KIRREL3: variants seen among roughly 807,000 people sequenced by gnomAD.
The protein encoded by KIRREL3 is kin of IRRE-like protein 3.
A neutral mutation model predicts 89.7 loss-of-function variants in KIRREL3; 36 were observed. The observed-to-expected ratio is 0.40, with a 90% confidence interval of 0.31 to 0.53. The LOEUF (loss-of-function observed/expected upper bound fraction) is 0.53. KIRREL3 is among the 20% of genes least tolerant of loss of function. The pLI is 0.49. For synonymous variants in KIRREL3, 445 were observed against 441.4 expected (o/e 1.01, Z -0.10); for missense variants, 864 against 1,056.6 (o/e 0.82, Z 2.53).
intron 1 of KIRREL3, among the ~76,000 whole-genome samples, chr11:126,583,832 C>T (rs1213936276): frequency 2.0e-5 from 3 of 152,228 alleles, no homozygotes; most frequent in Non-Finnish European, 4.4e-5. Flanking sequence ...TAGAAAGTGA[C>T]AGCTGACGGC....
intron 5 of KIRREL3, among the ~76,000 whole-genome samples, chr11:126,469,287 G>A (rs1956816712): frequency 6.6e-6 from 1 of 152,246 alleles, no homozygotes. Flanking sequence ...CTGCCCTGAG[G>A]GGTCTTTTCT....
intron 1 of KIRREL3, among the ~76,000 whole-genome samples, chr11:126,735,532 C>A (rs1052541325): frequency 1.1e-4 from 17 of 152,254 alleles, no homozygotes; most frequent in Admixed American, 1.0e-3. Context: ...ATGGGGCAGC[C>A]CAGACCAGGG....
chr11:126,683,725 C>G lies in KIRREL3; in HGVS notation c.56-120813G>C, dbSNP rs1392998248. On this transcript the variant is annotated intron_variant, in intron 1 of 16. Coordinates refer to ENST00000525144, the MANE Select transcript of KIRREL3 (RefSeq NM_032531.4). This position sits in a 1 kb window ranked among gnomAD's most constrained non-coding sequence, Gnocchi z 5.2. ...GAAAATCAGTGTGCTGATATCACCCCTTTTGTCTATGAGGAGTGAATGTCT... is the reference window on the plus strand; with the variant it reads ...GAAAATCAGTGTGCTGATATCACCCGTTTTGTCTATGAGGAGTGAATGTCT... Among the ~76,000 whole-genome samples the G allele has an allele frequency of 6.6e-6, 1 of 152,220 alleles. No homozygotes were observed. Among genetic ancestry groups the G allele is most frequent in the African/African-American group, 2.4e-5 (1 of 41,458 alleles).
chr11:126,865,630 T>C (rs773664783), intron 1 of KIRREL3, among the ~76,000 whole-genome samples: 69 of 152,198 alleles, frequency 4.5e-4, no homozygotes, highest in Non-Finnish European at 4.7e-4. Context: ...GAACTGAACA[T>C]GGTCTTTGAG....
intron 1 of KIRREL3, among the ~76,000 whole-genome samples, chr11:126,984,641 G>A (rs1366232127): frequency 6.6e-6 from 1 of 152,150 alleles, no homozygotes; most frequent in East Asian, 1.9e-4. Context: ...TTTTCCCCTA[G>A]CCTCTGCACA....
chr11:126,826,716 T>A (rs1161231862), intron 1 of KIRREL3, among the ~76,000 whole-genome samples: 1 of 152,158 alleles, frequency 6.6e-6, no homozygotes, highest in Non-Finnish European at 1.5e-5. Context: ...GGTAGAAGCC[T>A]ATGGGGTTTC....
At position 126,761,253 on chromosome 11, in the gene KIRREL3, G is replaced by A. The variant is rs1369034948; in HGVS notation, c.56-198341C>T. 6.6e-6 allele frequency among the ~76,000 whole-genome samples: 1 copy of A among 152,228 alleles called. No homozygotes were observed. The highest frequency in any genetic ancestry group is 1.5e-5 in the Non-Finnish European group (1 of 68,032). ...CCCAGTGGGAAAGGAAAGGTGGTCA[G>A]GTTGTCAGGCCCCTGCACTCTGCCC... On this transcript the variant is annotated intron_variant, in intron 1 of 16. Transcript: ENST00000525144. The surrounding 1 kb of genome is among the most constrained non-coding windows in gnomAD (Gnocchi z 4.4).
In KIRREL3 at chr11:126,688,592, C is replaced by T. The variant is rs140444704; in HGVS notation, c.56-125680G>A. On this transcript the variant is annotated intron_variant, in intron 1 of 16. Transcript: ENST00000525144. The stretch of plus-strand genomic sequence containing the variant: ...AGCTTTCTGCAGAGAATGATTGGCA[C>T]TTTTGAGCCCTGGATTGGTTGGGCC... Among the ~76,000 whole-genome samples the T allele has an allele frequency of 2.4e-3, 370 of 152,252 alleles. 4 individuals are homozygous for T. Among genetic ancestry groups the T allele is most frequent in the African/African-American group, 8.5e-3 (354 of 41,538 alleles).
In KIRREL3 at chr11:126,576,364, C is replaced by CTCATTCAT. The variant is rs10648961; in HGVS notation, c.56-13460_56-13453dup. Among the ~76,000 whole-genome samples the CTCATTCAT allele has an allele frequency of 2.0e-5, 3 of 152,156 alleles. No individual in the cohort carries two copies. The highest frequency in any genetic ancestry group is 4.8e-5 in the African/African-American group (2 of 41,470). ...TTTATTCTAATTTCATTCATTCATTCTCATTCATTCATTCATTCATTCAAG... is the reference window on the plus strand; with the variant it reads ...TTTATTCTAATTTCATTCATTCATTCTCATTCATTCATTCATTCATTCATTCATTCAAG... On this transcript the variant is annotated intron_variant, in intron 1 of 16. Coordinates refer to ENST00000525144, the MANE Select transcript of KIRREL3 (RefSeq NM_032531.4). The surrounding 1 kb of genome is among the most constrained non-coding windows in gnomAD (Gnocchi z 5.4).
chr11:126,530,402 C>T lies in KIRREL3; in HGVS notation c.134-3715G>A, dbSNP rs1958905173. Among the ~76,000 whole-genome samples, 1 of 152,100 alleles carries T rather than the reference C, an allele frequency of 6.6e-6. No homozygotes were observed. The highest frequency in any genetic ancestry group is 1.5e-5 in the Non-Finnish European group (1 of 68,020). ...GCCTGGCCTCTACTTGCTTTATTTT[C>T]CCCATTTTCTTTTCTACTCCAAAGA... On this transcript the variant is annotated intron_variant, in intron 2 of 16. Transcript: ENST00000525144. The surrounding 1 kb of genome is among the most constrained non-coding windows in gnomAD (Gnocchi z 5.8).
intron 1 of KIRREL3, among the ~76,000 whole-genome samples, chr11:126,584,538 G>T (rs1329441368): frequency 6.6e-6 from 1 of 152,192 alleles, no homozygotes; most frequent in Non-Finnish European, 1.5e-5. Flanking sequence ...GTATGACCGA[G>T]CCTGGCTGCA....
rs1477186882 is a variant in KIRREL3 at position 126,931,681 on chromosome 11, C to A, written c.55+68774G>T. 6.6e-6 allele frequency among the ~76,000 whole-genome samples: 1 copy of A among 152,172 alleles called. No individual in the cohort carries two copies. Among genetic ancestry groups the A allele is most frequent in the African/African-American group, 2.4e-5 (1 of 41,428 alleles). ...TTTAAATATGGAATAGTGGCAGATA[C>A]CCATATTCATTCTTCCTTACAGCAT... is the stretch of plus-strand genomic sequence containing the variant. On this transcript the variant is annotated intron_variant, in intron 1 of 16. Transcript: ENST00000525144. The surrounding 1 kb of genome is among the most constrained non-coding windows in gnomAD (Gnocchi z 5.1).
At chr11:126,506,964 C>T (rs1565508239) in intron 4 of KIRREL3, among the ~76,000 whole-genome samples, 4 of 152,078 alleles carry the variant, frequency 2.6e-5, no homozygotes, top group Admixed American at 1.3e-4. Flanking sequence ...GGAAACAATC[C>T]GACTGTCTGC....
chr11:126,459,205 G>T lies in KIRREL3; in HGVS notation c.743-2751C>A, dbSNP rs1956469961. The stretch of plus-strand genomic sequence containing the variant: ...GCTCAAGGGACCCGCCACAGAACTT[G>T]GGGGGCTGTTCCAGGAGGCCCTTCC... On this transcript the variant is annotated intron_variant, in intron 6 of 16. Transcript: ENST00000525144. This position sits in a 1 kb window ranked among gnomAD's most constrained non-coding sequence, Gnocchi z 4.8. Among the ~76,000 whole-genome samples the T allele has an allele frequency of 6.6e-6, 1 of 151,944 alleles. No homozygotes were observed. The highest frequency in any genetic ancestry group is 2.1e-4 in the South Asian group (1 of 4,826).
intron 1 of KIRREL3, among the ~76,000 whole-genome samples, chr11:126,721,428 G>A (rs1948165557): frequency 6.6e-6 from 1 of 151,848 alleles, no homozygotes; most frequent in African/African-American, 2.4e-5. Context: ...TACTCGGGAG[G>A]CTGAGGCAGG....
In KIRREL3 at chr11:126,574,052, G is replaced by A. The variant is rs946109920; in HGVS notation, c.56-11140C>T. Among the ~76,000 whole-genome samples the A allele has an allele frequency of 1.3e-5, 2 of 152,206 alleles. No homozygotes were observed. Among genetic ancestry groups the A allele is most frequent in the African/African-American group, 4.8e-5 (2 of 41,448 alleles). ...AAGCCCCTTACAGGCCCCAGACAAG[G>A]GGCTTCATTCTGAGGGACTAGAACA... On this transcript the variant is annotated intron_variant, in intron 1 of 16. Coordinates refer to ENST00000525144, the MANE Select transcript of KIRREL3 (RefSeq NM_032531.4). The surrounding 1 kb of genome is among the most constrained non-coding windows in gnomAD (Gnocchi z 5.3).
chr11:126,777,800 C>A (rs1390580999), intron 1 of KIRREL3, among the ~76,000 whole-genome samples: 1 of 152,122 alleles, frequency 6.6e-6, no homozygotes, highest in South Asian at 2.1e-4. Flanking sequence ...CATGCTGTAA[C>A]TATTTATCTC....
At chr11:126,688,305 T>C (rs1009905759) in intron 1 of KIRREL3, among the ~76,000 whole-genome samples, 2 of 152,234 alleles carry the variant, frequency 1.3e-5, no homozygotes, top group Non-Finnish European at 2.9e-5. Context: ...ATAAGCGATA[T>C]TGATTGCAAA....
chr11:126,665,096 A>T (rs1945596217), intron 1 of KIRREL3, among the ~76,000 whole-genome samples: 1 of 152,214 alleles, frequency 6.6e-6, no homozygotes, highest in Non-Finnish European at 1.5e-5. Context: ...TAAATTTTTT[A>T]AAAATTGTTG....
Sources: allele counts gnomAD v4.1 joint callset (sites outside exome capture counted in the v4.1 genomes callset), GRCh38; gene constraint gnomAD v4.1.1; non-coding constraint Gnocchi (gnomAD v3.1); transcripts MANE v1.5; gene names NCBI Gene and HGNC (gene_info 2026-07-23, HGNC 2026-07-21).